CCDC192: variants seen among roughly 807,000 people sequenced by gnomAD.
The protein encoded by CCDC192 is coiled-coil domain-containing protein 192.
At chr5:127,919,561 C>T (rs1753647654) in intron 6 of CCDC192, among the ~76,000 whole-genome samples, 1 of 152,112 alleles carries the variant, frequency 6.6e-6, no homozygotes, top group Non-Finnish European at 1.5e-5. Context: ...CTCAGTGCTT[C>T]GGTACTCAAA....
At chr5:127,850,906 C>T (rs1483465646) in intron 5 of CCDC192, among the ~76,000 whole-genome samples, 11 of 152,280 alleles carry the variant, frequency 7.2e-5, no homozygotes, top group East Asian at 1.9e-4. Context: ...GTGGAGGTTG[C>T]GGTGAGCTGA....
In CCDC192 at chr5:127,839,470, G is replaced by C. The variant is rs566999103; in HGVS notation, c.412-36068G>C. ...CAAAATGTTAGCAATAGTAATCTTA[G>C]TAGAATTTCAGGTGATTTATAATTC... On this transcript the variant is annotated intron_variant, in intron 5 of 6. Coordinates refer to ENST00000514853, the MANE Select transcript of CCDC192 (RefSeq NM_001317938.2). 1.2e-4 allele frequency among the ~76,000 whole-genome samples: 18 copies of C among 152,258 alleles called. 1 individual carries two copies. In the South Asian group the frequency reaches 3.5e-3, roughly 30 times the overall value.
intron 6 of CCDC192, among the ~76,000 whole-genome samples, chr5:127,913,542 A>G (rs1032167413): frequency 1.3e-5 from 2 of 152,230 alleles, no homozygotes; most frequent in African/African-American, 4.8e-5. Context: ...CAGATTTTTA[A>G]ACCCAGCTGC....
chr5:127,869,591 G>A (rs2127123267), intron 5 of CCDC192, among the ~76,000 whole-genome samples: 1 of 152,244 alleles, frequency 6.6e-6, no homozygotes, highest in East Asian at 1.9e-4. Context: ...TTAATTTGAA[G>A]TTTCTCTTAA....
chr5:127,852,014 A>G (rs1750817923), intron 5 of CCDC192, among the ~76,000 whole-genome samples: 1 of 152,250 alleles, frequency 6.6e-6, no homozygotes, highest in Admixed American at 6.5e-5. Flanking sequence ...ATAACCATTC[A>G]AAATTTAACA....
intron 3 of CCDC192, among the ~76,000 whole-genome samples, chr5:127,775,943 TTG>T (rs1247994707): frequency 2.0e-5 from 3 of 152,194 alleles, no homozygotes; most frequent in African/African-American, 7.2e-5. Flanking sequence ...CCATGTGGAA[TTG>T]TGAGTCCATG....
chr5:127,707,901 A>G (rs570491593), intron 2 of CCDC192, 141 bp downstream of exon 2: 1 of 369,364 alleles, frequency 2.7e-6, no homozygotes, highest in African/African-American at 2.1e-5. Flanking sequence ...GAAATAAAAC[A>G]TAGAAAGTTG....
intron 2 of CCDC192, among the ~76,000 whole-genome samples, chr5:127,738,746 G>T (rs188670709): frequency 0.029 from 4,480 of 152,008 alleles, 150 homozygotes; most frequent in African/African-American, 0.084. Context: ...TTCTGCATTC[G>T]TCACGTAGTT....
intron 2 of CCDC192, among the ~76,000 whole-genome samples, chr5:127,721,263 T>G (rs1028413089): frequency 2.0e-5 from 3 of 152,232 alleles, no homozygotes; most frequent in Non-Finnish European, 4.4e-5. Context: ...GCGCATATCT[T>G]GAATGCTTTG....
upstream of CCDC192, among the ~76,000 whole-genome samples, chr5:127,702,763 C>A (rs1041945287): frequency 6.6e-6 from 1 of 152,192 alleles, no homozygotes; most frequent in Non-Finnish European, 1.5e-5. Context: ...GAAGCGGATA[C>A]AGGTTCACCT....
chr5:127,907,640 G>T (rs768356407), intron 6 of CCDC192, among the ~76,000 whole-genome samples: 1 of 152,106 alleles, frequency 6.6e-6, no homozygotes, highest in East Asian at 1.9e-4. Context: ...AGTAATTAAT[G>T]ATTTTTGCCT....
intron 5 of CCDC192, among the ~76,000 whole-genome samples, chr5:127,848,558 C>G (rs1463677972): frequency 6.6e-6 from 1 of 152,202 alleles, no homozygotes. Context: ...CAAAACCCAT[C>G]TCTGCCACTT....
intron 5 of CCDC192, among the ~76,000 whole-genome samples, chr5:127,854,113 C>G (rs1457102990): frequency 1.3e-5 from 2 of 152,194 alleles, no homozygotes; most frequent in Non-Finnish European, 2.9e-5. Flanking sequence ...TCATAACACT[C>G]TCTTGATTCC....
At chr5:127,863,524 T>C (rs1751461170) in intron 5 of CCDC192, among the ~76,000 whole-genome samples, 2 of 152,154 alleles carry the variant, frequency 1.3e-5, no homozygotes, top group Admixed American at 1.3e-4. Context: ...AACTAGAGAC[T>C]AGAATTTTAG....
intron 2 of CCDC192, among the ~76,000 whole-genome samples, chr5:127,728,465 G>T (rs1261573298): frequency 2.0e-5 from 3 of 152,132 alleles, no homozygotes; most frequent in Admixed American, 1.3e-4. Flanking sequence ...AAGCAAAGAG[G>T]AAATAAAATC....
At chr5:127,822,194 A>G (rs1186650268) in intron 5 of CCDC192, among the ~76,000 whole-genome samples, 1 of 152,132 alleles carries the variant, frequency 6.6e-6, no homozygotes, top group African/African-American at 2.4e-5. Context: ...GGCCTTTCAC[A>G]TTGTCCCTTC....
intron 6 of CCDC192, among the ~76,000 whole-genome samples, chr5:127,896,715 G>A (rs1752899053): frequency 6.6e-6 from 1 of 152,088 alleles, no homozygotes; most frequent in African/African-American, 2.4e-5. Flanking sequence ...CTAAGTGTTG[G>A]GATTACAGGC....
At chr5:127,767,219 G>T (rs1755276316) in intron 3 of CCDC192, among the ~76,000 whole-genome samples, 1 of 152,110 alleles carries the variant, frequency 6.6e-6, no homozygotes, top group East Asian at 1.9e-4. Flanking sequence ...AGGCCCCTGT[G>T]AAATGTCAGC....
intron 6 of CCDC192, among the ~76,000 whole-genome samples, chr5:127,926,453 C>T (rs1043759434): frequency 6.6e-6 from 1 of 152,062 alleles, no homozygotes; most frequent in Admixed American, 6.6e-5. Flanking sequence ...AGATTGAGAA[C>T]GTATTTTGTG....
Sources: allele counts gnomAD v4.1 joint callset (sites outside exome capture counted in the v4.1 genomes callset), GRCh38; gene constraint gnomAD v4.1.1; transcripts MANE v1.5; gene names NCBI Gene and HGNC (gene_info 2026-07-23, HGNC 2026-07-21).